The following ANKS1B variants were observed in gnomAD, a reference collection of about 807,000 sequenced individuals.
ANKS1B encodes the protein ankyrin repeat and sterile alpha motif domain-containing protein 1B.
ANKS1B carries 36 observed loss-of-function variants against 148.3 expected under a neutral mutation model. The ratio of observed to expected loss-of-function variants is 0.24; its 90% CI spans 0.19 to 0.32. The LOEUF is 0.32. ANKS1B is among the 10% of genes least tolerant of loss of function. The pLI, the probability that ANKS1B is intolerant of heterozygous loss-of-function variation, is 1.00. For synonymous variants in ANKS1B, 542 were observed against 560.8 expected, an observed-to-expected ratio of 0.97 and a Z score of 0.47; for missense variants, 1,157 against 1,542.6, an observed-to-expected ratio of 0.75 and a Z score of 4.19.
intron 10 of ANKS1B, among the ~76,000 whole-genome samples, chr12:99,447,909 T>A (rs1203281100): frequency 6.6e-6 from 1 of 151,976 alleles, no homozygotes; most frequent in Non-Finnish European, 1.5e-5. Flanking sequence ...AAATATCATC[T>A]CACCCCAGGG....
intron 16 of ANKS1B, among the ~76,000 whole-genome samples, chr12:99,061,380 C>T (rs908762004): frequency 2.0e-5 from 3 of 152,164 alleles, no homozygotes; most frequent in Admixed American, 6.5e-5. Context: ...CAGACCTCAA[C>T]GTGCTTAGGA....
chr12:99,943,030 A>G (rs2094958425), intron 1 of ANKS1B, among the ~76,000 whole-genome samples: 1 of 152,274 alleles, frequency 6.6e-6, no homozygotes, highest in East Asian at 1.9e-4. Context: ...GACAATCCTG[A>G]TCGACAAAAT....
Position 99,812,327 on chromosome 12 carries a change from C to T in ANKS1B, c.216-16G>A, listed in dbSNP as rs1295401146. Reference sequence around the variant, plus strand: ...AACTATGTCCCTAAAAAGGAAAAAACAACAACAACAAAATAGGCTGAGCAA... The same window carrying T: ...AACTATGTCCCTAAAAAGGAAAAAATAACAACAACAAAATAGGCTGAGCAA... On this transcript the variant is annotated splice_polypyrimidine_tract_variant and intron_variant, in intron 2 of 26. Coordinates refer to ENST00000683438, the MANE Select transcript of ANKS1B (RefSeq NM_001352186.2). The T allele has an allele frequency of 6.2e-7, 1 of 1,604,408 alleles. No homozygotes were observed. The highest frequency in any genetic ancestry group is 1.1e-5 in the South Asian group (1 of 90,044).
At chr12:99,685,002 C>T (rs6538921) in intron 8 of ANKS1B, among the ~76,000 whole-genome samples, 68,260 of 151,778 alleles carry the variant, frequency 0.45, 16,098 homozygotes, top group South Asian at 0.6. Flanking sequence ...AAAACCCTTC[C>T]AGAAATTGGC....
At chr12:98,768,042 C>T (rs2153461149) in intron 25 of ANKS1B, among the ~76,000 whole-genome samples, 1 of 152,284 alleles carries the variant, frequency 6.6e-6, no homozygotes, top group African/African-American at 2.4e-5. Flanking sequence ...TCTGCTCACC[C>T]TACAGTTCCC....
At chr12:98,882,418 G>C (rs183533021) in intron 17 of ANKS1B, among the ~76,000 whole-genome samples, 1 of 152,094 alleles carries the variant, frequency 6.6e-6, no homozygotes, top group Admixed American at 6.6e-5. Flanking sequence ...AGTCAGAAAG[G>C]TATCGCAATG....
rs1566015589 is a variant in ANKS1B at position 98,751,338 on chromosome 12, G to A, written c.3747+17C>T. ...CTGTTCAAGGTTTTTTAGAACATCT[G>A]TATCGTTTCTACTTACCACGGACTT... On this transcript the variant is annotated intron_variant, in intron 26 of 26. Coordinates refer to ENST00000683438, the MANE Select transcript of ANKS1B (RefSeq NM_001352186.2). The surrounding 1 kb of genome is among the most constrained non-coding windows in gnomAD (Gnocchi z 4.3). The A allele has an allele frequency of 2.5e-6, 4 of 1,612,380 alleles. No homozygotes were observed. In the African/African-American group the frequency reaches 4.0e-5, roughly 16 times the overall value.
rs1283697622 is a variant in ANKS1B, at chr12:98,768,608, C to T, written c.3579+4434G>A. 2.6e-5 allele frequency among the ~76,000 whole-genome samples: 4 copies of T among 151,636 alleles called. No homozygotes were observed. The East Asian group carries it at 5.8e-4, about 22-fold the overall frequency. ...AATTAGCCGGGCGTGCTGGCGGGTGCCTGTAGTCCCAGCTGCTCAGGAGGC... is the reference window on the plus strand; with the variant it reads ...AATTAGCCGGGCGTGCTGGCGGGTGTCTGTAGTCCCAGCTGCTCAGGAGGC... On this transcript the variant is annotated intron_variant, in intron 25 of 26. Transcript: ENST00000683438.
At chr12:99,640,496 GGAT>G (rs2098291961) in intron 9 of ANKS1B, among the ~76,000 whole-genome samples, 1 of 152,156 alleles carries the variant, frequency 6.6e-6, no homozygotes, top group African/African-American at 2.4e-5. Flanking sequence ...TGCTATGAAA[GGAT>G]GAGTTCAACC....
intron 9 of ANKS1B, among the ~76,000 whole-genome samples, chr12:99,512,379 T>C (rs1445822157): frequency 2.6e-5 from 4 of 151,932 alleles, no homozygotes; most frequent in Admixed American, 1.3e-4. Context: ...AGAATGATGA[T>C]TATTAAAAAG....
chr12:99,328,371 G>A (rs2086882299), intron 12 of ANKS1B, among the ~76,000 whole-genome samples: 1 of 151,916 alleles, frequency 6.6e-6, no homozygotes, highest in Non-Finnish European at 1.5e-5. Flanking sequence ...AATATTCAGT[G>A]CATGCATGTG....
At chr12:98,980,380 G>C (rs556728970) in intron 17 of ANKS1B, among the ~76,000 whole-genome samples, 1 of 152,056 alleles carries the variant, frequency 6.6e-6, no homozygotes, top group Non-Finnish European at 1.5e-5. Flanking sequence ...TTTCATTTTC[G>C]TATTTTTAGT....
At chr12:99,494,167 G>A (rs2096580691) in intron 10 of ANKS1B, among the ~76,000 whole-genome samples, 1 of 152,096 alleles carries the variant, frequency 6.6e-6, no homozygotes, top group Admixed American at 6.5e-5. Flanking sequence ...AGTGAGGATC[G>A]AGAAATGCCC....
At chr12:99,510,689 C>A (rs1961650) in intron 9 of ANKS1B, among the ~76,000 whole-genome samples, 12,726 of 152,050 alleles carry the variant, frequency 0.084, 1,770 homozygotes, top group African/African-American at 0.29. Flanking sequence ...ATTACATAAA[C>A]TTCATTGATA....
Position 99,467,241 on chromosome 12 carries a change from G to C in ANKS1B, c.1439-23432C>G, listed in dbSNP as rs9739319. 7.5e-3 allele frequency among the ~76,000 whole-genome samples: 1,135 copies of C among 152,060 alleles called. 16 individuals are homozygous for C. Among genetic ancestry groups the C allele is most frequent in the African/African-American group, 0.025 (1,027 of 41,448 alleles). On this transcript the variant is annotated intron_variant, in intron 10 of 26. Coordinates refer to ENST00000683438, the MANE Select transcript of ANKS1B (RefSeq NM_001352186.2). ...AAGGCCTTTGACAAAATTCAACAAT[G>C]CTTCATTCTAAAAACTCTCAATAAA...
At chr12:98,818,596 C>T (rs1483507257) in intron 19 of ANKS1B, among the ~76,000 whole-genome samples, 4 of 152,066 alleles carry the variant, frequency 2.6e-5, no homozygotes, top group Admixed American at 6.6e-5. Flanking sequence ...TGCTATCAAA[C>T]GTTTTTCAGG....
In ANKS1B at chr12:98,744,390, A is replaced by G; in HGVS notation, c.*1349T>C. 1.1e-6 allele frequency: 1 copy of G among 885,074 alleles called. No homozygotes were observed. The highest frequency in any genetic ancestry group is 1.4e-6 in the Non-Finnish European group (1 of 738,012). 54.8% of individuals were successfully genotyped at this position (885,074 alleles called of 1,614,324 possible). ...TGTCAGTTAATAAAAAAACATTAAG[A>G]CAATTCCACAATTTATCAATATCGC... On this transcript the variant is annotated 3_prime_UTR_variant, in exon 27 of 27. Coordinates refer to ENST00000683438, the MANE Select transcript of ANKS1B (RefSeq NM_001352186.2).
chr12:98,909,351 G>C (rs977529049), intron 17 of ANKS1B, among the ~76,000 whole-genome samples: 3 of 152,184 alleles, frequency 2.0e-5, no homozygotes, highest in Non-Finnish European at 2.9e-5. Context: ...ACGATGCTTT[G>C]ATATAGAAAT....
At chr12:99,358,103 C>T (rs1487783184) in intron 12 of ANKS1B, among the ~76,000 whole-genome samples, 1 of 151,880 alleles carries the variant, frequency 6.6e-6, no homozygotes, top group Non-Finnish European at 1.5e-5. Context: ...AAGATAGTTA[C>T]CATTTTTTTA....
Sources: gnomAD v4.1 joint callset for allele counts (sites outside exome capture counted in the v4.1 genomes callset) on GRCh38, gnomAD v4.1.1 for gene constraint, Gnocchi (gnomAD v3.1) non-coding constraint, MANE v1.5 for transcripts, NCBI Gene and HGNC (gene_info 2026-07-23, HGNC 2026-07-21) for gene names.